PGBD1: variants seen among roughly 807,000 people sequenced by gnomAD.
The protein encoded by PGBD1 is piggyBac transposable element derived 1, also known as piggyBac transposable element-derived protein 1.
PGBD1 carries 25 observed loss-of-function variants against 34.7 expected under a neutral mutation model. The observed-to-expected ratio is 0.72, with a 90% CI of 0.52 to 1.00. The LOEUF is 1.00. Ranked by LOEUF, PGBD1 falls within the 50% of genes least tolerant of loss-of-function variation. The probability of loss-of-function intolerance (pLI) is 0.00; values close to 1 mark genes in which losing one functional copy is unlikely to be tolerated. For synonymous variants in PGBD1, 292 were observed against 335.7 expected (o/e 0.87, Z 1.42); for missense variants, 830 against 959.4 (o/e 0.87, Z 1.78).
At position 28,281,632 on chromosome 6, in the gene PGBD1, C is replaced by A; in HGVS notation, c.-325C>A. The A allele has an allele frequency of 2.7e-6, 1 of 376,436 alleles. No individual in the cohort carries two copies. The highest frequency in any genetic ancestry group is 4.7e-6 in the Non-Finnish European group (1 of 212,650). 23.3% of individuals were successfully genotyped at this position (376,436 alleles called of 1,614,324 possible). A position where few individuals can be genotyped will look rare whatever the true frequency, so the allele number is the denominator to read the frequency against. On this transcript the variant is annotated 5_prime_UTR_variant, in exon 1 of 7. Transcript: ENST00000682144. ...CGCCAGACCCGCCAGCCCAGCGGCC[C>A]GGGCTCTGGGGAAACCGGCGCTCCC...
At chr6:28,293,338 C>T (rs1314795285) in intron 4 of PGBD1, among the ~76,000 whole-genome samples, 1 of 152,046 alleles carries the variant, frequency 6.6e-6, no homozygotes, top group Non-Finnish European at 1.5e-5. Context: ...TGTTGTTTTC[C>T]ACTATTGAGG....
In PGBD1 at chr6:28,300,747, G is replaced by A. The variant is rs185338871; in HGVS notation, c.893G>A (p.Cys298Tyr). ...PNRECAPQIP[C>Y]STPIATERTV... ...AGAGAGTGTGCACCCCAGATTCCTTGTAGTACTCCTATTGCTACTGAAAGG... is the reference window on the plus strand; with the variant it reads ...AGAGAGTGTGCACCCCAGATTCCTTATAGTACTCCTATTGCTACTGAAAGG... Residue 298 changes from cysteine to tyrosine, a missense_variant, in exon 7 of 7, where the codon TGT (cysteine) becomes TAT (tyrosine). Coordinates refer to ENST00000682144, the MANE Select transcript of PGBD1 (RefSeq NM_032507.4). The surrounding 1 kb of genome is among the most constrained non-coding windows in gnomAD (Gnocchi z 4.0). 2.6e-5 allele frequency: 42 copies of A among 1,612,914 alleles called. No individual in the cohort carries two copies. The Admixed American group carries it at 3.0e-4, about 12-fold the overall frequency.
chr6:28,287,094 G>A lies in PGBD1; in HGVS notation c.568G>A (p.Gly190Arg), dbSNP rs1762309415. The change falls in exon 4 of 7, where the codon GGA (glycine) becomes AGA (arginine). Residue 190 changes from glycine (G) to arginine (R), a missense_variant. Physicochemically the swap from Gly to Arg is moderately radical, Grantham distance 125 (BLOSUM62 -2). Transcript: ENST00000682144. ...PQEVSGPVPH[G>R]SAHLQEKNPR... ...TCTCTCTGCAGGGCCTGTTCCCCAC[G>A]GATCAGCTCATCTCCAGGAAAAAAA... 6.2e-6 allele frequency: 10 copies of A among 1,613,788 alleles called. No homozygotes were observed. Among genetic ancestry groups the A allele is most frequent in the Middle Eastern group, 1.6e-4 (1 of 6,084 alleles).
Position 28,296,875 on chromosome 6 carries a change from T to C in PGBD1, c.702T>C (p.His234=), listed in dbSNP as rs1318046583. 6.2e-7 allele frequency: 1 copy of C among 1,614,178 alleles called. No homozygotes were observed. The highest frequency in any genetic ancestry group is 1.3e-5 in the African/African-American group (1 of 75,056). Residue 234 remains histidine (H), a synonymous_variant, in exon 5 of 7, where the codon CAT becomes CAC. Transcript: ENST00000682144. ...AQAVAAEKWS[H]LSLTRRNLCG... is the part of the protein sequence containing the mutation. ...CCGTTGCTGCAGAGAAGTGGTCACA[T>C]CTGAGTCTGACTCGGAGGAACCTCT... is the stretch of plus-strand genomic sequence containing the variant.
chr6:28,301,491 A>G lies in PGBD1; in HGVS notation c.1637A>G (p.Asp546Gly). ...YAPLEEYYCF[D>G]KSMCECFDSD... ...CCCCTGGAAGAATACTATTGCTTTG[A>G]TAAGTCAATGTGTGAATGCTTTGAT... Residue 546 changes from aspartate to glycine, a missense_variant, in exon 7 of 7, where the codon GAT becomes GGT. Transcript: ENST00000682144. The G allele has an allele frequency of 6.2e-7, 1 of 1,614,030 alleles. No individual in the cohort carries two copies. The highest frequency in any genetic ancestry group is 8.5e-7 in the Non-Finnish European group (1 of 1,179,958).
rs747006048 is a variant in PGBD1, at chr6:28,286,962, G to A, written c.554-118G>A. 105 of 749,832 alleles carry A rather than the reference G, an allele frequency of 1.4e-4. 2 individuals are homozygous for A. Among genetic ancestry groups the A allele is most frequent in the Non-Finnish European group, 2.2e-4 (96 of 426,798 alleles). 46.4% of individuals were successfully genotyped at this position (749,832 alleles called of 1,614,324 possible). On this transcript the variant is annotated intron_variant, in intron 3 of 6. Transcript: ENST00000682144. ...CTCTTTCTCACACTGTAAAATCTAC[G>A]TCTTAGTTCTTGAATGTTTAACAAA...
Position 28,302,217 on chromosome 6 carries a change from A to G in PGBD1, c.2363A>G (p.Asp788Gly). 1 of 1,614,022 alleles carries G rather than the reference A, an allele frequency of 6.2e-7. No homozygotes were observed. The highest frequency in any genetic ancestry group is 8.5e-7 in the Non-Finnish European group (1 of 1,179,980). Residue 788 changes from aspartate (D) to glycine (G), a missense_variant, in exon 7 of 7, where the codon GAC (aspartate) becomes GGC (glycine). Coordinates refer to ENST00000682144, the MANE Select transcript of PGBD1 (RefSeq NM_032507.4). ...GCCTGTAACCCAGGTGCTTCTCTAG[A>G]CCCCTTGGATTTTCGGAGATTTGTT... ...HRACNPGASL[D>G]PLDFRRFVAH...
At chr6:28,283,137 T>C (rs1342454277) in intron 1 of PGBD1, among the ~76,000 whole-genome samples, 1 of 152,222 alleles carries the variant, frequency 6.6e-6, no homozygotes, top group East Asian at 1.9e-4. Flanking sequence ...CTCATCCACA[T>C]GACCTCTGTA....
chr6:28,301,355 AT>A lies in PGBD1; in HGVS notation c.1505del (p.Phe502SerfsTer12). 6.2e-7 allele frequency: 1 copy of A among 1,614,104 alleles called. No individual in the cohort carries two copies. Among genetic ancestry groups the A allele is most frequent in the Non-Finnish European group, 8.5e-7 (1 of 1,180,012 alleles). ...DAIRRDRFEL[I>X]FSNLHFADNG... The stretch of plus-strand genomic sequence containing the variant: ...AATCAGAAGGGACAGATTTGAATTG[AT>A]TTTCTCAAACCTGCACTTTGCAGAT... On this transcript the variant is annotated frameshift_variant, in exon 7 of 7. Transcript: ENST00000682144. LOFTEE classifies it low-confidence loss of function (END_TRUNC).
chr6:28,285,714 G>T lies in PGBD1; in HGVS notation c.553+7G>T, dbSNP rs772865530. 1 of 1,611,558 alleles carries T rather than the reference G, an allele frequency of 6.2e-7. No individual in the cohort carries two copies. The highest frequency in any genetic ancestry group is 2.2e-5 in the East Asian group (1 of 44,820). ...AACCCCCAAGAAGTGAGTGGTGAGT[G>T]CTCGAGTGAGTTTAGTGAGGACGCT... is the stretch of plus-strand genomic sequence containing the variant. On this transcript the variant is annotated splice_region_variant and intron_variant, in intron 3 of 6. Transcript: ENST00000682144.
rs1356712781 is a variant in PGBD1, at chr6:28,301,967, G to C, written c.2113G>C (p.Glu705Gln). Residue 705 changes from glutamate (E) to glutamine (Q), a missense_variant, in exon 7 of 7, where the codon GAA (glutamate) becomes CAA (glutamine). Physicochemically the swap from Glu to Gln is conservative, Grantham distance 29. Transcript: ENST00000682144. ...TCTGTGCTCCAATGCTGTGGGCATA[G>C]AACCAGTCAATGAGGTAAGCTGTTG... The part of the protein sequence containing the change: ...ISLCSNAVGI[E>Q]PVNEVSCCDA... 1 of 1,614,190 alleles carries C rather than the reference G, an allele frequency of 6.2e-7. No homozygotes were observed. Among genetic ancestry groups the C allele is most frequent in the East Asian group, 2.2e-5 (1 of 44,876 alleles).
chr6:28,285,625 G>A lies in PGBD1; in HGVS notation c.471G>A (p.Gln157=), dbSNP rs563395321. ...AEYQGVSLEC[Q]SLQLLPGITT... ...ATCAAGGAGTCTCTTTGGAGTGTCA[G>A]AGCCTCCAGCTCCTGCCTGGGATAA... Residue 157 remains glutamine, a synonymous_variant, in exon 3 of 7, where the codon CAG becomes CAA. Transcript: ENST00000682144. The A allele has an allele frequency of 6.2e-7, 1 of 1,614,150 alleles. No individual in the cohort carries two copies. Among genetic ancestry groups the A allele is most frequent in the South Asian group, 1.1e-5 (1 of 91,082 alleles).
chr6:28,296,459 A>G (rs1762635442), intron 4 of PGBD1, among the ~76,000 whole-genome samples: 1 of 152,184 alleles, frequency 6.6e-6, no homozygotes, highest in Non-Finnish European at 1.5e-5. Context: ...TTTTTTCAGT[A>G]TCATCCTATA....
At chr6:28,296,203 CA>C (rs1459223444) in intron 4 of PGBD1, among the ~76,000 whole-genome samples, 3 of 152,168 alleles carry the variant, frequency 2.0e-5, no homozygotes, top group African/African-American at 4.8e-5. Context: ...TGATGAAATT[CA>C]GTGAGATTTC....
In PGBD1 at chr6:28,300,000, C is replaced by CAAA. The variant is rs776417092; in HGVS notation, c.870-711_870-709dup. Among the ~76,000 whole-genome samples the CAAA allele has an allele frequency of 9.4e-5, 8 of 85,096 alleles. 1 individual carries two copies. The highest frequency in any genetic ancestry group is 2.8e-4 in the African/African-American group (7 of 24,606). 55.8% of individuals were successfully genotyped at this position (85,096 alleles called of 152,430 possible). A position where few individuals can be genotyped will look rare whatever the true frequency, so the allele number is the denominator to read the frequency against. Reference sequence around the variant, plus strand: ...TGGGTGACAGAGCTAGACTCTGTCTCAAAAAAAAAAAAAAACAAAACAAAA... The same window carrying CAAA: ...TGGGTGACAGAGCTAGACTCTGTCTCAAAAAAAAAAAAAAAAAACAAAACAAAA... On this transcript the variant is annotated intron_variant, in intron 6 of 6. Transcript: ENST00000682144.
In PGBD1 at chr6:28,285,598, A is replaced by G; in HGVS notation, c.444A>G (p.Glu148=). 1 of 1,614,162 alleles carries G rather than the reference A, an allele frequency of 6.2e-7. No individual in the cohort carries two copies. Among genetic ancestry groups the G allele is most frequent in the Non-Finnish European group, 8.5e-7 (1 of 1,180,028 alleles). Residue 148 remains glutamate, a synonymous_variant, in exon 3 of 7, where the codon GAA becomes GAG. Transcript: ENST00000682144. ...AGGACATGCACCCAATGGTGGCAGAATATCAAGGAGTCTCTTTGGAGTGTC... is the reference window on the plus strand; with the variant it reads ...AGGACATGCACCCAATGGTGGCAGAGTATCAAGGAGTCTCTTTGGAGTGTC... ...QGQDMHPMVA[E]YQGVSLECQS...
At chr6:28,295,822 T>C (rs1762611937) in intron 4 of PGBD1, among the ~76,000 whole-genome samples, 1 of 152,202 alleles carries the variant, frequency 6.6e-6, no homozygotes, top group African/African-American at 2.4e-5. Flanking sequence ...CTGCAATATC[T>C]CTGAGGTAGG....
Position 28,296,857 on chromosome 6 carries a change from T to C in PGBD1, c.684T>C (p.Ala228=), listed in dbSNP as rs1450394902. The change falls in exon 5 of 7, where the codon GCT becomes GCC. Residue 228 remains alanine (A), a synonymous_variant. Coordinates refer to ENST00000682144, the MANE Select transcript of PGBD1 (RefSeq NM_032507.4). ...KTEEETAQAV[A]AEKWSHLSLT... ...AGGAAGAAACAGCCCAGGCCGTTGCTGCAGAGAAGTGGTCACATCTGAGTC... is the reference window on the plus strand; with the variant it reads ...AGGAAGAAACAGCCCAGGCCGTTGCCGCAGAGAAGTGGTCACATCTGAGTC... 2 of 1,614,190 alleles carry C rather than the reference T, an allele frequency of 1.2e-6. No individual in the cohort carries two copies. The highest frequency in any genetic ancestry group is 1.3e-5 in the African/African-American group (1 of 75,058).
intron 4 of PGBD1, among the ~76,000 whole-genome samples, chr6:28,291,253 A>G (rs1483764215): frequency 6.6e-6 from 1 of 151,908 alleles, no homozygotes; most frequent in Non-Finnish European, 1.5e-5. Flanking sequence ...AAAATCAGAA[A>G]TGAAAAAGAC....
Sources: gnomAD v4.1 joint callset for allele counts (sites outside exome capture counted in the v4.1 genomes callset) on GRCh38, gnomAD v4.1.1 for gene constraint, Gnocchi (gnomAD v3.1) non-coding constraint, MANE v1.5 for transcripts, NCBI Gene and HGNC (gene_info 2026-07-23, HGNC 2026-07-21) for gene names.